UBE2N: variants seen among roughly 807,000 people sequenced by gnomAD.
The protein encoded by UBE2N is ubiquitin conjugating enzyme E2 N.
For missense variants in UBE2N, 60 were observed against 192.1 expected, an observed-to-expected ratio of 0.31 and a Z score of 4.07; for synonymous variants, 70 against 69.2, an observed-to-expected ratio of 1.01 and a Z score of -0.06.
chr12:93,410,219 T>C (rs1431922880), intron 3 of UBE2N, 140 bp from the exon 4 acceptor site: 2 of 777,088 alleles, frequency 2.6e-6, no homozygotes, highest in Non-Finnish European at 4.0e-6. Flanking sequence ...TTTCTATAAA[T>C]TGGATCAGGG....
chr12:93,408,107 T>C lies in UBE2N; in HGVS notation c.*1932A>G, dbSNP rs1188405939. The C allele has an allele frequency of 1.3e-5, 2 of 152,236 alleles. No individual in the cohort carries two copies. Among genetic ancestry groups the C allele is most frequent in the South Asian group, 2.1e-4 (1 of 4,832 alleles). The allele number at this position is 152,236 out of a possible 1,614,324, so 9.4% of individuals were successfully genotyped here. A position where few individuals can be genotyped will look rare whatever the true frequency, so the allele number is the denominator to read the frequency against. On this transcript the variant is annotated 3_prime_UTR_variant, in exon 4 of 4. Transcript: ENST00000318066. ...ATACTAGCTATAACCATGAGCAATA[T>C]TACGGGCAGTAAATGTTGATTTCTA...
intron 1 of UBE2N, among the ~76,000 whole-genome samples, chr12:93,439,316 G>T (rs1053949948): frequency 6.6e-6 from 1 of 152,040 alleles, no homozygotes; most frequent in South Asian, 2.1e-4. Context: ...GCGAAACCCC[G>T]TCCCTACAAA....
At chr12:93,439,105 T>C (rs889257213) in intron 1 of UBE2N, among the ~76,000 whole-genome samples, 2 of 152,242 alleles carry the variant, frequency 1.3e-5, no homozygotes, top group African/African-American at 2.4e-5. Flanking sequence ...TTAACAGTCA[T>C]GCAAATCAAG....
chr12:93,424,602 C>T (rs1348153806), intron 1 of UBE2N, among the ~76,000 whole-genome samples: 1 of 152,200 alleles, frequency 6.6e-6, no homozygotes, highest in Admixed American at 6.5e-5. Flanking sequence ...ACACAGTAAG[C>T]ATCCTCTCTC....
At chr12:93,429,107 T>C (rs1390868343) in intron 1 of UBE2N, among the ~76,000 whole-genome samples, 1 of 151,866 alleles carries the variant, frequency 6.6e-6, no homozygotes, top group East Asian at 1.9e-4. Context: ...CCGTCTCTAC[T>C]AAAAATACCA....
At chr12:93,437,655 G>C (rs1480686669) in intron 1 of UBE2N, among the ~76,000 whole-genome samples, 1 of 152,108 alleles carries the variant, frequency 6.6e-6, no homozygotes, top group Non-Finnish European at 1.5e-5. Context: ...CAGGTGTGGT[G>C]GCACATGCCT....
At chr12:93,435,993 TA>T (rs1878923526) in intron 1 of UBE2N, among the ~76,000 whole-genome samples, 1 of 152,216 alleles carries the variant, frequency 6.6e-6, no homozygotes, top group Non-Finnish European at 1.5e-5. Context: ...GAAAGACTGG[TA>T]AAATTCTAAT....
chr12:93,435,884 C>G (rs1481813623), intron 1 of UBE2N, among the ~76,000 whole-genome samples: 2 of 151,944 alleles, frequency 1.3e-5, no homozygotes, highest in Admixed American at 6.6e-5. Context: ...TGACAGAGAC[C>G]CTGTTTCAAA....
intron 1 of UBE2N, among the ~76,000 whole-genome samples, chr12:93,439,831 T>C (rs181593011): frequency 6.6e-6 from 1 of 152,176 alleles, no homozygotes; most frequent in Non-Finnish European, 1.5e-5. Context: ...GTGTCATTCA[T>C]TAGATAGATG....
At chr12:93,436,234 G>A (rs1878931327) in intron 1 of UBE2N, among the ~76,000 whole-genome samples, 1 of 152,036 alleles carries the variant, frequency 6.6e-6, no homozygotes, top group Non-Finnish European at 1.5e-5. Context: ...TGAGTAGCTG[G>A]GACTACAGAT....
chr12:93,422,943 A>G (rs1878463165), intron 1 of UBE2N, among the ~76,000 whole-genome samples: 2 of 152,184 alleles, frequency 1.3e-5, no homozygotes, highest in South Asian at 4.1e-4. Flanking sequence ...AAAAAGAAAA[A>G]CTTACCCGTG....
At chr12:93,437,923 A>T (rs1404643645) in intron 1 of UBE2N, among the ~76,000 whole-genome samples, 2 of 152,222 alleles carry the variant, frequency 1.3e-5, no homozygotes. Context: ...CCTAGTTAAT[A>T]AAAAAAGATA....
Position 93,406,558 on chromosome 12 carries a change from CA to C in UBE2N, c.*3480del, listed in dbSNP as rs1470925254. The C allele has an allele frequency of 1.3e-5, 2 of 152,186 alleles. No homozygotes were observed. Among genetic ancestry groups the C allele is most frequent in the Non-Finnish European group, 2.9e-5 (2 of 68,088 alleles). 9.4% of individuals were successfully genotyped at this position (152,186 alleles called of 1,614,324 possible). A position where few individuals can be genotyped will look rare whatever the true frequency, so the allele number is the denominator to read the frequency against. On this transcript the variant is annotated 3_prime_UTR_variant, in exon 4 of 4. Coordinates refer to ENST00000318066, the MANE Select transcript of UBE2N (RefSeq NM_003348.4). ...GTAAGGTTCTATATAGTTGGCCCTC[CA>C]TATCCATGGGTTCCACTTCCGTGGA...
At chr12:93,428,428 C>G (rs967597362) in intron 1 of UBE2N, among the ~76,000 whole-genome samples, 8 of 152,096 alleles carry the variant, frequency 5.3e-5, no homozygotes, top group African/African-American at 1.7e-4. Context: ...CAAAATTCAG[C>G]TCAAATATCA....
intron 1 of UBE2N, among the ~76,000 whole-genome samples, chr12:93,435,934 AC>A (rs1878921326): frequency 6.6e-6 from 1 of 152,148 alleles, no homozygotes. Context: ...ATTTTTAAGC[AC>A]CATAGACAAG....
At position 93,421,207 on chromosome 12, in the gene UBE2N, T is replaced by TGG. The variant is rs1188470851; in HGVS notation, c.31-9910_31-9909dup. Among the ~76,000 whole-genome samples, 39 of 107,244 alleles carry TGG rather than the reference T, an allele frequency of 3.6e-4. 2 individuals carry two copies. The highest frequency in any genetic ancestry group is 1.2e-3 in the African/African-American group (30 of 25,232). The allele number at this position is 107,244 out of a possible 152,430, so 70.4% of individuals were successfully genotyped here. On this transcript the variant is annotated intron_variant, in intron 1 of 3. Coordinates refer to ENST00000318066, the MANE Select transcript of UBE2N (RefSeq NM_003348.4). ...TTAATCTTTTTCTTTCTTTTTTTTTTGGGGGGGCTGGGGGGACAGATTCTC... is the reference window on the plus strand; with the variant it reads ...TTAATCTTTTTCTTTCTTTTTTTTTTGGGGGGGGGCTGGGGGGACAGATTCTC...
intron 1 of UBE2N, among the ~76,000 whole-genome samples, chr12:93,438,801 T>C (rs1215279226): frequency 6.6e-6 from 1 of 152,156 alleles, no homozygotes; most frequent in African/African-American, 2.4e-5. Context: ...CCTACAGAAT[T>C]TGCTACTGGA....
chr12:93,438,560 G>A (rs1271661171), intron 1 of UBE2N, among the ~76,000 whole-genome samples: 3 of 151,874 alleles, frequency 2.0e-5, no homozygotes, highest in Non-Finnish European at 4.4e-5. Flanking sequence ...TGAATGCAGG[G>A]CCTTATAGCT....
rs879836802 is a variant in UBE2N, at chr12:93,406,688, C to T, written c.*3351G>A. The T allele has an allele frequency of 6.6e-6, 1 of 152,152 alleles. No individual in the cohort carries two copies. Among genetic ancestry groups the T allele is most frequent in the Non-Finnish European group, 1.5e-5 (1 of 68,042 alleles). 9.4% of individuals were successfully genotyped at this position (152,152 alleles called of 1,614,324 possible). A position where few individuals can be genotyped will look rare whatever the true frequency, so the allele number is the denominator to read the frequency against. Reference sequence around the variant, plus strand: ...CAATAGTGTAACTATTTACATAGCACTTACATTATAATAGGTATTATAAGT... The same window carrying T: ...CAATAGTGTAACTATTTACATAGCATTTACATTATAATAGGTATTATAAGT... On this transcript the variant is annotated 3_prime_UTR_variant, in exon 4 of 4. Coordinates refer to ENST00000318066, the MANE Select transcript of UBE2N (RefSeq NM_003348.4).
Sources: allele counts gnomAD v4.1 joint callset (sites outside exome capture counted in the v4.1 genomes callset), GRCh38; gene constraint gnomAD v4.1.1; transcripts MANE v1.5; gene names NCBI Gene and HGNC (gene_info 2026-07-23, HGNC 2026-07-21).